The following EIF2B3 variants were observed in gnomAD, a reference collection of about 807,000 sequenced individuals.
The protein encoded by EIF2B3 is eukaryotic translation initiation factor 2B subunit gamma.
Under a neutral mutation model 54.1 loss-of-function variants are expected in EIF2B3, and 20 were observed. The ratio of observed to expected loss-of-function variants is 0.37; its 90% CI spans 0.26 to 0.54. EIF2B3 has a LOEUF of 0.54. EIF2B3 is among the 20% of genes least tolerant of loss of function. The pLI, the probability that EIF2B3 is intolerant of heterozygous loss-of-function variation, is 0.86. For missense variants in EIF2B3, 448 were observed against 547.8 expected, an observed-to-expected ratio of 0.82 and a Z score of 1.82; for synonymous variants, 153 against 188.1, an observed-to-expected ratio of 0.81 and a Z score of 1.52.
intron 10 of EIF2B3, among the ~76,000 whole-genome samples, chr1:44,868,532 T>C (rs984041194): frequency 1.3e-5 from 2 of 151,308 alleles, no homozygotes; most frequent in Non-Finnish European, 2.9e-5. Flanking sequence ...TTTTGCCATG[T>C]TACCCAGACT....
At chr1:44,927,809 AAAT>A (rs1369233143) in intron 4 of EIF2B3, among the ~76,000 whole-genome samples, 5 of 152,110 alleles carry the variant, frequency 3.3e-5, no homozygotes, top group African/African-American at 7.2e-5. Flanking sequence ...ATAGCTCAGA[AAAT>A]AATAATCATA....
At chr1:44,893,360 G>A (rs1269094377) in intron 6 of EIF2B3, among the ~76,000 whole-genome samples, 1 of 152,176 alleles carries the variant, frequency 6.6e-6, no homozygotes, top group Non-Finnish European at 1.5e-5. Context: ...CATAGCTGAG[G>A]CAAGGAAGTT....
At position 44,965,608 on chromosome 1, in the gene EIF2B3, T is replaced by C. The variant is rs145303949; in HGVS notation, c.294+12707A>G. Among the ~76,000 whole-genome samples the C allele has an allele frequency of 1.9e-3, 284 of 148,166 alleles. 2 individuals carry two copies. Among genetic ancestry groups the C allele is most frequent in the African/African-American group, 6.5e-3 (262 of 40,600 alleles). ...AGGCAATACAATAGTCAAAAAGGCC[T>C]GGGTATCTGAGATGCACAAATGCAT... On this transcript the variant is annotated intron_variant, in intron 3 of 11. Coordinates refer to ENST00000360403, the MANE Select transcript of EIF2B3 (RefSeq NM_020365.5).
intron 5 of EIF2B3, among the ~76,000 whole-genome samples, chr1:44,916,809 G>C (rs1396130398): frequency 8.9e-6 from 1 of 112,394 alleles, no homozygotes; most frequent in African/African-American, 3.2e-5. Context: ...AGATTCTGTC[G>C]CAAAAAAAAA....
intron 3 of EIF2B3, among the ~76,000 whole-genome samples, chr1:44,974,242 G>A (rs1482912100): frequency 6.6e-6 from 1 of 151,658 alleles, no homozygotes; most frequent in Admixed American, 6.6e-5. Flanking sequence ...GAGAGGGCAA[G>A]GTTGGGGGTA....
chr1:44,858,397 G>A (rs1654503530), intron 10 of EIF2B3, among the ~76,000 whole-genome samples: 1 of 152,006 alleles, frequency 6.6e-6, no homozygotes. Flanking sequence ...ATCCTCCTAG[G>A]ACATCAACTC....
At chr1:44,854,576 G>A (rs2148891684) in intron 11 of EIF2B3, among the ~76,000 whole-genome samples, 1 of 148,312 alleles carries the variant, frequency 6.7e-6, no homozygotes, top group East Asian at 2.0e-4. Context: ...TTGGAGAGGA[G>A]ACTGCATTAT....
intron 4 of EIF2B3, among the ~76,000 whole-genome samples, chr1:44,938,005 T>C (rs1482751990): frequency 6.6e-6 from 1 of 150,950 alleles, no homozygotes; most frequent in Non-Finnish European, 1.5e-5. Flanking sequence ...TCCTATAAAT[T>C]TTCTGAGAAG....
intron 1 of EIF2B3, among the ~76,000 whole-genome samples, chr1:44,983,858 C>T (rs1644540572): frequency 6.6e-6 from 1 of 151,954 alleles, no homozygotes; most frequent in Non-Finnish European, 1.5e-5. Flanking sequence ...AGGCATCCGC[C>T]ACCATACTTG....
At chr1:44,949,385 C>T (rs1282102462) in intron 3 of EIF2B3, among the ~76,000 whole-genome samples, 1 of 152,170 alleles carries the variant, frequency 6.6e-6, no homozygotes, top group Non-Finnish European at 1.5e-5. Context: ...TCCATCTAGA[C>T]TTTGAGCTCC....
chr1:44,861,210 GCAGTTAGGGT>G (rs753563896), intron 10 of EIF2B3, among the ~76,000 whole-genome samples: 3 of 152,138 alleles, frequency 2.0e-5, no homozygotes, highest in Non-Finnish European at 4.4e-5. Context: ...AGTCCAGTAA[GCAGTTAGGGT>G]CAGTTAGGGT....
chr1:44,879,403 CTA>C (rs1655310309), intron 8 of EIF2B3, among the ~76,000 whole-genome samples: 1 of 152,342 alleles, frequency 6.6e-6, no homozygotes, highest in South Asian at 2.1e-4. Flanking sequence ...TCTGGCCACT[CTA>C]TACTCTGCTC....
intron 4 of EIF2B3, among the ~76,000 whole-genome samples, chr1:44,939,918 T>C (rs1019034975): frequency 6.6e-6 from 1 of 152,134 alleles, no homozygotes; most frequent in Admixed American, 6.5e-5. Context: ...TCTATCTGTG[T>C]AGGCAGAAAA....
intron 5 of EIF2B3, among the ~76,000 whole-genome samples, chr1:44,920,038 C>CT (rs111287818): frequency 8.5e-4 from 117 of 137,790 alleles, no homozygotes; most frequent in Middle Eastern, 3.7e-3. Flanking sequence ...CTTTTTCTTT[C>CT]TTTTTTTTTT....
chr1:44,860,259 C>T (rs988257071), intron 10 of EIF2B3, among the ~76,000 whole-genome samples: 1 of 152,138 alleles, frequency 6.6e-6, no homozygotes, highest in Non-Finnish European at 1.5e-5. Flanking sequence ...AAGTGATCCT[C>T]CTGCTTCAGC....
intron 3 of EIF2B3, among the ~76,000 whole-genome samples, chr1:44,975,439 A>G (rs550047641): frequency 6.6e-6 from 1 of 152,218 alleles, no homozygotes; most frequent in Non-Finnish European, 1.5e-5. Context: ...CCTAGGCTAT[A>G]TGGTATAGCC....
At chr1:44,895,663 A>T (rs949379782) in intron 6 of EIF2B3, among the ~76,000 whole-genome samples, 1 of 152,156 alleles carries the variant, frequency 6.6e-6, no homozygotes, top group Non-Finnish European at 1.5e-5. Context: ...TTTACAGATG[A>T]AATTATATCA....
chr1:44,983,342 T>A (rs1224523529), intron 1 of EIF2B3, among the ~76,000 whole-genome samples: 1 of 152,200 alleles, frequency 6.6e-6, no homozygotes, highest in East Asian at 1.9e-4. Flanking sequence ...ATGTTGCAAC[T>A]TTACTATAAT....
intron 3 of EIF2B3, among the ~76,000 whole-genome samples, chr1:44,953,151 TA>T (rs551625310): frequency 1.4e-3 from 186 of 131,728 alleles, no homozygotes; most frequent in Non-Finnish European, 1.9e-3. Context: ...TCCATAAGTG[TA>T]AAAAAAAAAA....
Sources: gnomAD v4.1 joint callset for allele counts (sites outside exome capture counted in the v4.1 genomes callset) on GRCh38, gnomAD v4.1.1 for gene constraint, MANE v1.5 for transcripts, NCBI Gene and HGNC (gene_info 2026-07-23, HGNC 2026-07-21) for gene names.